The following CACNA2D2 variants were observed in gnomAD, a reference collection of about 807,000 sequenced individuals.
CACNA2D2 encodes the protein voltage-dependent calcium channel subunit alpha-2/delta-2.
A neutral mutation model predicts 166.4 loss-of-function variants in CACNA2D2; 48 were observed. That is an observed-to-expected ratio of 0.29 (90% CI 0.23 to 0.37). The LOEUF (loss-of-function observed/expected upper bound fraction) is 0.37, where lower values mean the gene tolerates loss of function less well. Ranked by LOEUF, CACNA2D2 falls within the 10% of genes least tolerant of loss-of-function variation. The pLI is 1.00. For missense variants in CACNA2D2, 1,122 were observed against 1,433.0 expected (o/e 0.78, Z 3.50); for synonymous variants, 561 against 573.7 (o/e 0.98, Z 0.32).
chr3:50,404,208 A>T (rs568391118), intron 3 of CACNA2D2, among the ~76,000 whole-genome samples: 1 of 152,220 alleles, frequency 6.6e-6, no homozygotes, highest in South Asian at 2.1e-4. Context: ...TGGGGGGTGA[A>T]GGTGTGAGTG....
intron 2 of CACNA2D2, among the ~76,000 whole-genome samples, chr3:50,437,127 G>A (rs907104132): frequency 1.3e-5 from 2 of 152,146 alleles, no homozygotes; most frequent in African/African-American, 2.4e-5. Flanking sequence ...TTCTGCCTGC[G>A]GCTGCATGAG....
chr3:50,365,754 C>CT lies in CACNA2D2; in HGVS notation c.2915+55dup. ...GACGATGCCATGCCCTACTTCTCTT[C>CT]TGAGCCCTCCCGGCCAGGGAGCACC... On this transcript the variant is annotated intron_variant, in intron 33 of 37. Transcript: ENST00000424201. The surrounding 1 kb of genome is among the most constrained non-coding windows in gnomAD (Gnocchi z 4.5). 1.2e-6 allele frequency: 2 copies of CT among 1,610,372 alleles called. No homozygotes were observed. The highest frequency in any genetic ancestry group is 2.2e-5 in the South Asian group (2 of 90,416).
intron 1 of CACNA2D2, among the ~76,000 whole-genome samples, chr3:50,487,136 C>T (rs1339487871): frequency 2.0e-5 from 3 of 152,188 alleles, no homozygotes; most frequent in Non-Finnish European, 2.9e-5. Flanking sequence ...ACAATCTGAA[C>T]CCAGTCAACT....
chr3:50,501,938 C>T (rs892134231), intron 1 of CACNA2D2, among the ~76,000 whole-genome samples: 6 of 152,162 alleles, frequency 3.9e-5, no homozygotes, highest in South Asian at 2.1e-4. Flanking sequence ...CCGTGCGGCA[C>T]TTGTAATTTG....
intron 3 of CACNA2D2, among the ~76,000 whole-genome samples, chr3:50,418,906 G>C (rs906483810): frequency 6.6e-6 from 1 of 152,220 alleles, no homozygotes; most frequent in Admixed American, 6.5e-5. Flanking sequence ...GGGGGAGGGA[G>C]ATATGCAACC....
chr3:50,462,084 A>C (rs1163300916), intron 2 of CACNA2D2, among the ~76,000 whole-genome samples: 1 of 152,104 alleles, frequency 6.6e-6, no homozygotes, highest in Non-Finnish European at 1.5e-5. Flanking sequence ...CAGAAGACTA[A>C]ACAAATAAAC....
intron 1 of CACNA2D2, among the ~76,000 whole-genome samples, chr3:50,488,617 G>A (rs1575771322): frequency 2.2e-5 from 2 of 92,112 alleles, no homozygotes; most frequent in Admixed American, 1.6e-4. Context: ...GGGAGCTCCC[G>A]CCTGCTGCAG....
chr3:50,422,668 C>T (rs1039134650), intron 3 of CACNA2D2, among the ~76,000 whole-genome samples: 3 of 152,236 alleles, frequency 2.0e-5, no homozygotes, highest in Non-Finnish European at 4.4e-5. Context: ...ACCAGGTGGA[C>T]TCTTACTGCC....
intron 3 of CACNA2D2, among the ~76,000 whole-genome samples, chr3:50,407,421 G>A (rs963255102): frequency 6.8e-5 from 10 of 147,400 alleles, no homozygotes; most frequent in African/African-American, 2.4e-4. Context: ...TGTTCCTGGC[G>A]ATCATGAGGG....
intron 3 of CACNA2D2, among the ~76,000 whole-genome samples, chr3:50,401,139 C>A (rs1463266787): frequency 1.3e-5 from 2 of 152,234 alleles, no homozygotes; most frequent in Non-Finnish European, 2.9e-5. Flanking sequence ...CAGAGGGTGC[C>A]TCAGGGGAAG....
In CACNA2D2 at chr3:50,370,367, C is replaced by T; in HGVS notation, c.1998G>A (p.Leu666=). The T allele has an allele frequency of 6.3e-7, 1 of 1,581,726 alleles. No individual in the cohort carries two copies. Among genetic ancestry groups the T allele is most frequent in the East Asian group, 2.3e-5 (1 of 43,282 alleles). The change falls in exon 23 of 38, where the codon CTG becomes CTA. Residue 666 remains leucine (L), a synonymous_variant. Coordinates refer to ENST00000424201, the MANE Select transcript of CACNA2D2 (RefSeq NM_006030.4). ...CTTCAGACTCAAAGCTGCTGGGGAG[C>T]AGGAACTCAAAATCTGCAACAGAAA... ...QILQVKYFEF[L]LPSSFESEGH... is the part of the protein sequence containing the mutation.
At chr3:50,495,557 G>A (rs1038656059) in intron 1 of CACNA2D2, among the ~76,000 whole-genome samples, 2 of 152,232 alleles carry the variant, frequency 1.3e-5, no homozygotes, top group Non-Finnish European at 2.9e-5. Context: ...CGCTGGAGAT[G>A]CTCCAGATGG....
chr3:50,382,026 A>AC, intron 6 of CACNA2D2, among the ~76,000 whole-genome samples: 1 of 150,424 alleles, frequency 6.6e-6, no homozygotes, highest in African/African-American at 2.4e-5. Flanking sequence ...ACACACAAAC[A>AC]AGGCTCCTCT....
rs563533314 is a variant in CACNA2D2, at chr3:50,411,684, C to T, written c.406-17516G>A. ...CAATGTAGTGAGTGCTCCAAGTCCA[C>T]AAACCTGGCAGAAGGAGAAGCTGGA... On this transcript the variant is annotated intron_variant, in intron 3 of 37. Transcript: ENST00000424201. Among the ~76,000 whole-genome samples the T allele has an allele frequency of 3.3e-5, 5 of 152,342 alleles. No homozygotes were observed. The South Asian group carries it at 1.0e-3, about 32-fold the overall frequency.
intron 2 of CACNA2D2, among the ~76,000 whole-genome samples, chr3:50,463,822 G>A (rs1245892029): frequency 2.6e-5 from 4 of 152,250 alleles, no homozygotes; most frequent in Non-Finnish European, 5.9e-5. Flanking sequence ...GGGCGTGAGA[G>A]AGCCCCTGAG....
intron 4 of CACNA2D2, among the ~76,000 whole-genome samples, chr3:50,388,333 G>A (rs1705716139): frequency 6.6e-6 from 1 of 152,224 alleles, no homozygotes; most frequent in Non-Finnish European, 1.5e-5. Context: ...CCGCCAGAAG[G>A]TGAGCCCGGT....
At chr3:50,381,981 TACACACACAC>T (rs34662551) in intron 6 of CACNA2D2, among the ~76,000 whole-genome samples, 3 of 133,346 alleles carry the variant, frequency 2.2e-5, no homozygotes, top group African/African-American at 5.9e-5. Flanking sequence ...GATCTATCCC[TACACACACAC>T]ACACACACAC....
chr3:50,381,168 G>T, intron 6 of CACNA2D2, 42 bp from the exon 7 acceptor site: 3 of 1,608,960 alleles, frequency 1.9e-6, no homozygotes, highest in Non-Finnish European at 2.5e-6. Flanking sequence ...CACCTGGGCT[G>T]TGTCCTGTCG....
chr3:50,370,681 G>A (rs1028791301), intron 22 of CACNA2D2, among the ~76,000 whole-genome samples: 1 of 151,868 alleles, frequency 6.6e-6, no homozygotes, highest in Non-Finnish European at 1.5e-5. Context: ...GCTTCCATAC[G>A]GCTGTATAGC....
Sources: allele counts gnomAD v4.1 joint callset (sites outside exome capture counted in the v4.1 genomes callset), GRCh38; gene constraint gnomAD v4.1.1; non-coding constraint Gnocchi (gnomAD v3.1); transcripts MANE v1.5; gene names NCBI Gene and HGNC (gene_info 2026-07-23, HGNC 2026-07-21).